The following AOX1 variants were observed in gnomAD, a reference collection of about 807,000 sequenced individuals.
The protein encoded by AOX1 is aldehyde oxidase.
In AOX1, 153 loss-of-function variants were observed where a neutral mutation model predicts 169.5. The ratio of observed to expected loss-of-function variants is 0.90; its 90% CI spans 0.79 to 1.03. AOX1 has a LOEUF of 1.03. AOX1 is among the 50% of genes least tolerant of loss of function. The pLI is 0.00. For missense variants in AOX1, 1,656 were observed against 1,663.9 expected (o/e 1.00, Z 0.08); for synonymous variants, 562 against 581.9 (o/e 0.97, Z 0.49).
chr2:200,668,492 C>T (rs6730363), intron 32 of AOX1, 123 bp from the exon 33 acceptor site: 368,695 of 807,148 alleles, frequency 0.46, 85,762 homozygotes, highest in Non-Finnish European at 0.48. Flanking sequence ...TGCTCCAAGA[C>T]ACCCTGAAAA....
rs1176160558 is a variant in AOX1 at position 200,667,869 on chromosome 2, C to T, written c.3610-746C>T. Among the ~76,000 whole-genome samples the T allele has an allele frequency of 2.6e-5, 4 of 152,060 alleles. No homozygotes were observed. The East Asian group carries it at 5.8e-4, about 22-fold the overall frequency. Reference sequence around the variant, plus strand: ...GATGTGAGGCTAGCCACTTTGTGGGCAAGGAGGTGGGATGAGACAATGGGA... The same window carrying T: ...GATGTGAGGCTAGCCACTTTGTGGGTAAGGAGGTGGGATGAGACAATGGGA... On this transcript the variant is annotated intron_variant, in intron 32 of 34. Coordinates refer to ENST00000374700, the MANE Select transcript of AOX1 (RefSeq NM_001159.4).
chr2:200,637,487 G>GTA (rs1465456590), intron 22 of AOX1, among the ~76,000 whole-genome samples: 1 of 151,750 alleles, frequency 6.6e-6, no homozygotes, highest in Non-Finnish European at 1.5e-5. Context: ...ATGTTTGTGT[G>GTA]TATATATGTA....
rs565121582 is a variant in AOX1 at position 200,630,006 on chromosome 2, AG to A, written c.2221+2559del. 3.8e-3 allele frequency among the ~76,000 whole-genome samples: 571 copies of A among 152,220 alleles called. 3 individuals are homozygous for A. The highest frequency in any genetic ancestry group is 7.3e-3 in the South Asian group (35 of 4,814). ...ACGTCTATAATCCCAGCACTTTGGGAGGCCAAGGCAGGACATTTGAGGCCAG... is the reference window on the plus strand; with the variant it reads ...ACGTCTATAATCCCAGCACTTTGGGAGCCAAGGCAGGACATTTGAGGCCAG... On this transcript the variant is annotated intron_variant, in intron 20 of 34. Coordinates refer to ENST00000374700, the MANE Select transcript of AOX1 (RefSeq NM_001159.4).
chr2:200,613,588 G>GT (rs1429723440), intron 14 of AOX1, among the ~76,000 whole-genome samples: 2 of 152,190 alleles, frequency 1.3e-5, no homozygotes, highest in Non-Finnish European at 2.9e-5. Flanking sequence ...CATTCTGTGA[G>GT]TTGGGTTCTA....
At chr2:200,602,489 A>G (rs1006381052) in intron 6 of AOX1, 144 bp downstream of exon 6, 8 of 729,198 alleles carry the variant, frequency 1.1e-5, no homozygotes, top group Non-Finnish European at 1.8e-5. Context: ...TTGTTATTTG[A>G]TCTTGAGCAG....
intron 1 of AOX1, among the ~76,000 whole-genome samples, chr2:200,587,140 A>AC (rs1232332352): frequency 2.0e-5 from 3 of 151,144 alleles, no homozygotes; most frequent in South Asian, 2.1e-4. Flanking sequence ...AACAACAACA[A>AC]AAAAAAACCG....
intron 5 of AOX1, 38 bp downstream of exon 5, chr2:200,599,784 ATTTATTTATT>A (rs2034369345): frequency 7.5e-7 from 1 of 1,330,388 alleles, no homozygotes; most frequent in Non-Finnish European, 9.7e-7. Context: ...TTTAATTTTT[ATTTATTTATT>A]TATTTTTTGA....
At chr2:200,642,223 T>C (rs1342023691) in intron 24 of AOX1, among the ~76,000 whole-genome samples, 1 of 152,156 alleles carries the variant, frequency 6.6e-6, no homozygotes. Flanking sequence ...TTGCTCCCCA[T>C]TGAGAACCAA....
At chr2:200,603,900 G>A in intron 7 of AOX1, 117 bp from the exon 8 acceptor site, 1 of 691,566 alleles carries the variant, frequency 1.4e-6, no homozygotes, top group Non-Finnish European at 2.5e-6. Flanking sequence ...TGGCTGGCCA[G>A]TGGACTTTTT....
chr2:200,644,707 G>A (rs1239564757), intron 25 of AOX1, among the ~76,000 whole-genome samples: 1 of 151,944 alleles, frequency 6.6e-6, no homozygotes, highest in Admixed American at 6.6e-5. Context: ...CCATTTGTTT[G>A]TGTCATCCAG....
At chr2:200,641,036 A>G in intron 23 of AOX1, 62 bp from the exon 24 acceptor site, 1 of 1,259,560 alleles carries the variant, frequency 7.9e-7, no homozygotes, top group Non-Finnish European at 1.2e-6. Flanking sequence ...GGGTTTGCAA[A>G]TGACAAAATT....
At chr2:200,664,000 TG>T (rs2035880165) in intron 31 of AOX1, among the ~76,000 whole-genome samples, 3 of 152,240 alleles carry the variant, frequency 2.0e-5, no homozygotes, top group Non-Finnish European at 4.4e-5. Flanking sequence ...TAATTCAGAC[TG>T]GATCTCTATA....
downstream of AOX1, among the ~76,000 whole-genome samples, chr2:200,677,502 C>A (rs796430293): frequency 1.3e-5 from 2 of 152,312 alleles, no homozygotes; most frequent in African/African-American, 4.8e-5. Context: ...CACACACAAA[C>A]ACATACGAAT....
At position 200,597,509 on chromosome 2, in the gene AOX1, A is replaced by G. The variant is rs760079836; in HGVS notation, c.309+4A>G. 6 of 1,594,030 alleles carry G rather than the reference A, an allele frequency of 3.8e-6. 1 individual carries two copies. In the South Asian group the frequency reaches 5.6e-5, roughly 15 times the overall value. On this transcript the variant is annotated splice_donor_region_variant and intron_variant, in intron 4 of 34. Coordinates refer to ENST00000374700, the MANE Select transcript of AOX1 (RefSeq NM_001159.4). ...CACCAGAATTCATCCTGTTCAGGTG[A>G]GGATGTGCCTCTTCCTTATAGGCTT...
At chr2:200,609,734 C>T (rs370538507) in intron 12 of AOX1, among the ~76,000 whole-genome samples, 47 of 152,278 alleles carry the variant, frequency 3.1e-4, no homozygotes, top group African/African-American at 1.1e-3. Flanking sequence ...CTATTGGGTC[C>T]CTTTGTTGAA....
At chr2:200,623,762 C>A (rs2034938920) in intron 18 of AOX1, 99 bp from the exon 19 acceptor site, 1 of 1,558,966 alleles carries the variant, frequency 6.4e-7, no homozygotes, top group Admixed American at 1.7e-5. Flanking sequence ...CTAGCCCTAG[C>A]CCTACTGTAA....
At position 200,609,136 on chromosome 2, in the gene AOX1, G is replaced by A. The variant is rs1263839440; in HGVS notation, c.1059+1G>A. 5 of 1,613,614 alleles carry A rather than the reference G, an allele frequency of 3.1e-6. No homozygotes were observed. In the African/African-American group the frequency reaches 6.7e-5, roughly 22 times the overall value. On this transcript the variant is annotated splice_donor_variant, in intron 11 of 34. Transcript: ENST00000374700. LOFTEE classifies it high-confidence loss of function. ...TGGGTCCCAGATCAGGAACATGGCTGTATGTATCTGATGACAGTAAACTCT... is the reference window on the plus strand; with the variant it reads ...TGGGTCCCAGATCAGGAACATGGCTATATGTATCTGATGACAGTAAACTCT...
In AOX1 at chr2:200,642,693, C is replaced by T; in HGVS notation, c.2739C>T (p.Asn913=). The T allele has an allele frequency of 6.2e-7, 1 of 1,614,154 alleles. No individual in the cohort carries two copies. Among genetic ancestry groups the T allele is most frequent in the Non-Finnish European group, 8.5e-7 (1 of 1,180,000 alleles). ...GCCGGGGTTGGGCATGCAGAACCAA[C>T]CTTCCATCCAACACAGCTTTTCGTG... is the stretch of plus-strand genomic sequence containing the variant. ...LRCRGWACRT[N]LPSNTAFRGF... Residue 913 remains asparagine, a synonymous_variant, in exon 25 of 35, where the codon AAC becomes AAT. Coordinates refer to ENST00000374700, the MANE Select transcript of AOX1 (RefSeq NM_001159.4).
intron 16 of AOX1, among the ~76,000 whole-genome samples, chr2:200,617,738 G>C (rs558594431): frequency 6.6e-6 from 1 of 152,058 alleles, no homozygotes; most frequent in African/African-American, 2.4e-5. Context: ...TGCTTTTCAG[G>C]ATGAAAAAAC....
Sources: gnomAD v4.1 joint callset for allele counts (sites outside exome capture counted in the v4.1 genomes callset) on GRCh38, gnomAD v4.1.1 for gene constraint, MANE v1.5 for transcripts, NCBI Gene and HGNC (gene_info 2026-07-23, HGNC 2026-07-21) for gene names.